Variants in QRFPR observed in about 807,000 individuals in gnomAD.
The protein encoded by QRFPR is pyroglutamylated RF-amide peptide receptor.
A neutral mutation model predicts 31.3 loss-of-function variants in QRFPR; 37 were observed. The observed-to-expected ratio is 1.18, with a 90% CI of 0.91 to 1.56. The LOEUF (loss-of-function observed/expected upper bound fraction) is 1.56. QRFPR is among the 40% of genes most tolerant of loss of function. The pLI is 0.00. For synonymous variants in QRFPR, 197 were observed against 192.0 expected, an observed-to-expected ratio of 1.03 and a Z score of -0.22; for missense variants, 542 against 532.5, an observed-to-expected ratio of 1.02 and a Z score of -0.18.
chr4:121,346,350 C>G (rs1453785969), intron 1 of QRFPR, among the ~76,000 whole-genome samples: 4 of 152,218 alleles, frequency 2.6e-5, no homozygotes, highest in Admixed American at 6.5e-5. Context: ...CCCTGCCCCT[C>G]TTCCTGTATC....
At chr4:121,330,114 G>A (rs1725295075) in intron 5 of QRFPR, among the ~76,000 whole-genome samples, 3 of 152,154 alleles carry the variant, frequency 2.0e-5, no homozygotes, top group Admixed American at 2.0e-4. Context: ...TTCAAGTCAG[G>A]GTTCTAAATG....
intron 5 of QRFPR, 96 bp from the exon 6 acceptor site, chr4:121,329,810 G>T: frequency 1.1e-6 from 1 of 913,044 alleles, no homozygotes; most frequent in Non-Finnish European, 1.6e-6. Context: ...ACTTGTACAA[G>T]TATCTGAAGG....
chr4:121,342,746 A>G (rs1241037560), intron 1 of QRFPR, among the ~76,000 whole-genome samples: 1 of 152,136 alleles, frequency 6.6e-6, no homozygotes, highest in Non-Finnish European at 1.5e-5. Context: ...TAAGAATGGC[A>G]ATACGTTAGG....
At chr4:121,340,356 A>C (rs749551357) in intron 2 of QRFPR, 96 bp downstream of exon 2, 48 of 1,310,204 alleles carry the variant, frequency 3.7e-5, no homozygotes, top group Non-Finnish European at 5.1e-5. Context: ...CCTACAAGTT[A>C]GATAAGAAGC....
intron 1 of QRFPR, among the ~76,000 whole-genome samples, chr4:121,352,249 G>A (rs1020667173): frequency 6.6e-6 from 1 of 152,108 alleles, no homozygotes; most frequent in Non-Finnish European, 1.5e-5. Flanking sequence ...AGGTAGGGCA[G>A]TAACAGAGTC....
chr4:121,348,868 C>A (rs1250894023), intron 1 of QRFPR, among the ~76,000 whole-genome samples: 1 of 152,044 alleles, frequency 6.6e-6, no homozygotes, highest in African/African-American at 2.4e-5. Context: ...GAGGCCGAGG[C>A]GGGCTGATCA....
intron 1 of QRFPR, among the ~76,000 whole-genome samples, chr4:121,346,207 T>G (rs1725645846): frequency 6.6e-6 from 1 of 152,212 alleles, no homozygotes; most frequent in South Asian, 2.1e-4. Flanking sequence ...TACCTTAATT[T>G]CATGTGCCAA....
intron 4 of QRFPR, among the ~76,000 whole-genome samples, chr4:121,330,953 G>A (rs1272549302): frequency 6.6e-6 from 1 of 151,970 alleles, no homozygotes. Context: ...TCATGCCTGT[G>A]GTAGTAAAAT....
intron 1 of QRFPR, among the ~76,000 whole-genome samples, chr4:121,354,224 TG>T (rs1207895996): frequency 6.6e-6 from 1 of 152,120 alleles, no homozygotes; most frequent in African/African-American, 2.4e-5. Flanking sequence ...ATTTTAGGAT[TG>T]TTTTTTCTAT....
chr4:121,369,437 C>T, intron 1 of QRFPR: 1 of 858,356 alleles, frequency 1.2e-6, no homozygotes, highest in Non-Finnish European at 1.9e-6. Context: ...GCTCTAGAAG[C>T]CAGTGGGTGT....
intron 1 of QRFPR, chr4:121,369,508 C>A: frequency 1.4e-6 from 2 of 1,451,214 alleles, no homozygotes; most frequent in East Asian, 2.3e-5. Flanking sequence ...TCCTCCCTTC[C>A]GTCACTGGGA....
chr4:121,379,379 C>A (rs1726423671), intron 1 of QRFPR, among the ~76,000 whole-genome samples: 2 of 152,130 alleles, frequency 1.3e-5, no homozygotes, highest in South Asian at 4.2e-4. Flanking sequence ...TGATCTATTT[C>A]TCTTACATTT....
At chr4:121,340,913 G>A (rs141316168) in intron 1 of QRFPR, among the ~76,000 whole-genome samples, 25 of 152,308 alleles carry the variant, frequency 1.6e-4, no homozygotes, top group Non-Finnish European at 3.4e-4. Context: ...TTGGGGAAGA[G>A]CAAAGTCATT....
chr4:121,349,860 C>A (rs1725730999), intron 1 of QRFPR, among the ~76,000 whole-genome samples: 1 of 152,108 alleles, frequency 6.6e-6, no homozygotes, highest in East Asian at 1.9e-4. Context: ...CATGGTACGT[C>A]ATAAATATTT....
chr4:121,353,560 G>C (rs1370501413), intron 1 of QRFPR, among the ~76,000 whole-genome samples: 1 of 151,702 alleles, frequency 6.6e-6, no homozygotes, highest in African/African-American at 2.4e-5. Context: ...TTTTAAATCA[G>C]ATTGTTTATC....
At chr4:121,334,481 A>C (rs1161762947) in intron 3 of QRFPR, 1 of 174,074 alleles carries the variant, frequency 5.7e-6, no homozygotes, top group Non-Finnish European at 1.3e-5. Context: ...ACCCATAATG[A>C]ATCTTACCAC....
At chr4:121,332,309 A>C (rs1725342578) in intron 4 of QRFPR, among the ~76,000 whole-genome samples, 2 of 152,238 alleles carry the variant, frequency 1.3e-5, no homozygotes, top group African/African-American at 4.8e-5. Context: ...AGGTAAAAAT[A>C]ACTCAATAAT....
At chr4:121,344,749 A>G (rs572776145) in intron 1 of QRFPR, among the ~76,000 whole-genome samples, 3 of 152,134 alleles carry the variant, frequency 2.0e-5, no homozygotes, top group African/African-American at 7.2e-5. Flanking sequence ...CATTAAGCCT[A>G]TCATCAACTC....
chr4:121,370,588 C>T (rs182284523), intron 1 of QRFPR, among the ~76,000 whole-genome samples: 2 of 152,188 alleles, frequency 1.3e-5, no homozygotes, highest in Non-Finnish European at 2.9e-5. Flanking sequence ...GAGGCTGTGG[C>T]GCATCTGGAC....
Sources: gnomAD v4.1 joint callset for allele counts (sites outside exome capture counted in the v4.1 genomes callset) on GRCh38, gnomAD v4.1.1 for gene constraint, MANE v1.5 for transcripts, NCBI Gene and HGNC (gene_info 2026-07-23, HGNC 2026-07-21) for gene names.